Variants in WNT2 observed in about 807,000 individuals in gnomAD.
WNT2 encodes protein Wnt-2.
A neutral mutation model predicts 36.9 loss-of-function variants in WNT2; 12 were observed. The observed-to-expected ratio is 0.33, with a 90% CI of 0.21 to 0.53. WNT2 has a LOEUF of 0.53. Among genes scored for constraint, WNT2 ranks in the 20% least tolerant of loss-of-function variants. The pLI is 0.95. For synonymous variants in WNT2, 163 were observed against 174.6 expected, an observed-to-expected ratio of 0.93 and a Z score of 0.52; for missense variants, 379 against 473.1, an observed-to-expected ratio of 0.80 and a Z score of 1.84.
chr7:117,288,721 A>G (rs1794630768), intron 4 of WNT2, among the ~76,000 whole-genome samples: 1 of 151,992 alleles, frequency 6.6e-6, no homozygotes, highest in Non-Finnish European at 1.5e-5. Context: ...CTTTTTTTTT[A>G]GAAAAAAAAT....
At chr7:117,285,920 C>T (rs1311646164) in intron 4 of WNT2, among the ~76,000 whole-genome samples, 3 of 152,312 alleles carry the variant, frequency 2.0e-5, no homozygotes, top group African/African-American at 7.2e-5. Context: ...CAGAAGGTTG[C>T]AGACTCGAAA....
At chr7:117,307,830 T>C (rs1562828918) in intron 3 of WNT2, among the ~76,000 whole-genome samples, 1 of 152,238 alleles carries the variant, frequency 6.6e-6, no homozygotes, top group Admixed American at 6.5e-5. Flanking sequence ...TGTGAAATAT[T>C]TGCCAACTTA....
At chr7:117,320,848 C>T (rs1212371533) in intron 1 of WNT2, 55 bp from the exon 2 acceptor site, 4 of 1,479,302 alleles carry the variant, frequency 2.7e-6, no homozygotes, top group Non-Finnish European at 3.7e-6. Context: ...GGAGGCCTGG[C>T]TCAGTGTTCC....
intron 4 of WNT2, among the ~76,000 whole-genome samples, chr7:117,285,060 G>T (rs553945864): frequency 6.6e-6 from 1 of 152,192 alleles, no homozygotes; most frequent in Non-Finnish European, 1.5e-5. Flanking sequence ...CGTCTTTCCC[G>T]TACTCTCTTC....
chr7:117,288,855 A>G (rs1205157981), intron 4 of WNT2, among the ~76,000 whole-genome samples: 1 of 152,116 alleles, frequency 6.6e-6, no homozygotes, highest in Non-Finnish European at 1.5e-5. Flanking sequence ...ACACAGATTT[A>G]TAGATTCTGC....
At chr7:117,279,677 A>C (rs1485658101) in intron 4 of WNT2, among the ~76,000 whole-genome samples, 1 of 152,176 alleles carries the variant, frequency 6.6e-6, no homozygotes, top group Admixed American at 6.5e-5. Context: ...GCCTGACTGC[A>C]TTCGAACGTT....
intron 4 of WNT2, among the ~76,000 whole-genome samples, chr7:117,297,218 C>T (rs1481694098): frequency 6.6e-6 from 1 of 152,148 alleles, no homozygotes; most frequent in African/African-American, 2.4e-5. Flanking sequence ...TAGGAGAGCT[C>T]TCTGTGCAGT....
chr7:117,316,500 T>A (rs910679943), intron 2 of WNT2, among the ~76,000 whole-genome samples: 4 of 152,340 alleles, frequency 2.6e-5, no homozygotes, highest in African/African-American at 9.6e-5. Flanking sequence ...ATTCAATATG[T>A]CAAGAGGAGT....
intron 1 of WNT2, among the ~76,000 whole-genome samples, chr7:117,321,217 C>T (rs764741542): frequency 2.6e-5 from 4 of 152,172 alleles, no homozygotes; most frequent in Non-Finnish European, 5.9e-5. Flanking sequence ...GGGAAGCTGA[C>T]CTTAGAAGCT....
In WNT2 at chr7:117,288,570, A is replaced by G. The variant is rs557767254; in HGVS notation, c.853+9042T>C. Reference sequence around the variant, plus strand: ...CATCCTTTTGTTTGCAACACATTTAATTGGTAATTCGAAATGAGTAGTTTC... The same window carrying G: ...CATCCTTTTGTTTGCAACACATTTAGTTGGTAATTCGAAATGAGTAGTTTC... On this transcript the variant is annotated intron_variant, in intron 4 of 4. Coordinates refer to ENST00000265441, the MANE Select transcript of WNT2 (RefSeq NM_003391.3). Among the ~76,000 whole-genome samples, 170 of 152,350 alleles carry G rather than the reference A, an allele frequency of 1.1e-3. 5 individuals are homozygous for G. The South Asian group carries it at 0.034, about 30-fold the overall frequency.
Position 117,275,767 on chromosome 7 carries a change from C to G in WNT2, c.*2388G>C, listed in dbSNP as rs1794347309. Among the ~76,000 whole-genome samples the G allele has an allele frequency of 6.6e-6, 1 of 152,156 alleles. No homozygotes were observed. The highest frequency in any genetic ancestry group is 2.4e-5 in the African/African-American group (1 of 41,434). ...ACATTTCCTCTTTCAGAAGTAAAAG[C>G]CGATAGCAATATTTCATTCTCTTAT... On this transcript the variant is annotated 3_prime_UTR_variant, in exon 5 of 5. Coordinates refer to ENST00000265441, the MANE Select transcript of WNT2 (RefSeq NM_003391.3).
chr7:117,285,003 C>T (rs550205673), intron 4 of WNT2, among the ~76,000 whole-genome samples: 12 of 152,346 alleles, frequency 7.9e-5, no homozygotes, highest in African/African-American at 2.6e-4. Flanking sequence ...CCCGGCCAGG[C>T]ACCAGAAAGC....
Position 117,277,486 on chromosome 7 carries a change from A to G in WNT2, c.*669T>C, listed in dbSNP as rs1032555471. 3.3e-5 allele frequency: 5 copies of G among 152,986 alleles called. No homozygotes were observed. Among genetic ancestry groups the G allele is most frequent in the South Asian group, 2.1e-4 (1 of 4,846 alleles). The allele number at this position is 152,986 out of a possible 1,614,324, so 9.5% of individuals were successfully genotyped here. ...TGCTCTTACAAAGATACAACACACC[A>G]TAGTACCAAAGGACACACGTCCCCA... On this transcript the variant is annotated 3_prime_UTR_variant, in exon 5 of 5. Transcript: ENST00000265441.
At chr7:117,281,650 A>G (rs938032177) in intron 4 of WNT2, among the ~76,000 whole-genome samples, 4 of 152,142 alleles carry the variant, frequency 2.6e-5, no homozygotes, top group Non-Finnish European at 4.4e-5. Flanking sequence ...CTGGAAGAGC[A>G]GCTTAGGGCA....
intron 4 of WNT2, 70 bp from the exon 5 acceptor site, chr7:117,278,454 T>A: frequency 6.9e-7 from 1 of 1,444,910 alleles, no homozygotes; most frequent in East Asian, 2.5e-5. Flanking sequence ...AGAGGAGGAG[T>A]CACGAGGTCC....
chr7:117,289,051 CTT>C (rs1187027317), intron 4 of WNT2, among the ~76,000 whole-genome samples: 4 of 89,450 alleles, frequency 4.5e-5, no homozygotes, highest in African/African-American at 1.4e-4. Flanking sequence ...TCACGTTAGA[CTT>C]TTTTTTTTTT....
intron 3 of WNT2, among the ~76,000 whole-genome samples, chr7:117,303,130 T>C (rs2116366767): frequency 6.6e-6 from 1 of 152,222 alleles, no homozygotes; most frequent in East Asian, 1.9e-4. Flanking sequence ...AAGGTACTTG[T>C]GGTTCCTCAG....
At position 117,322,512 on chromosome 7, in the gene WNT2, C is replaced by A. The variant is rs1795348903; in HGVS notation, c.83+395G>T. On this transcript the variant is annotated intron_variant, in intron 1 of 4. Transcript: ENST00000265441. This position sits in a 1 kb window ranked among gnomAD's most constrained non-coding sequence, Gnocchi z 5.4. ...GGGGTGGGGGCTGGGATGGGGGAGGCGGTTGTAGTTTTCAAGGTGAATTTA... is the reference window on the plus strand; with the variant it reads ...GGGGTGGGGGCTGGGATGGGGGAGGAGGTTGTAGTTTTCAAGGTGAATTTA... Among the ~76,000 whole-genome samples the A allele has an allele frequency of 7.3e-6, 1 of 137,426 alleles. No homozygotes were observed. Among genetic ancestry groups the A allele is most frequent in the Non-Finnish European group, 1.5e-5 (1 of 64,874 alleles). The allele number at this position is 137,426 out of a possible 152,430, so 90.2% of individuals were successfully genotyped here.
At chr7:117,303,583 A>G (rs1035914209) in intron 3 of WNT2, among the ~76,000 whole-genome samples, 6 of 152,216 alleles carry the variant, frequency 3.9e-5, no homozygotes, top group Non-Finnish European at 7.3e-5. Context: ...TCCCATGCAC[A>G]GCCGCTGATG....
Sources: allele counts gnomAD v4.1 joint callset (sites outside exome capture counted in the v4.1 genomes callset), GRCh38; gene constraint gnomAD v4.1.1; non-coding constraint Gnocchi (gnomAD v3.1); transcripts MANE v1.5; gene names NCBI Gene and HGNC (gene_info 2026-07-23, HGNC 2026-07-21).